Variants in PPP4R1 observed in about 807,000 individuals in gnomAD.
The protein encoded by PPP4R1 is protein phosphatase 4 regulatory subunit 1.
PPP4R1 carries 42 observed loss-of-function variants against 111.2 expected under a neutral mutation model. That is an observed-to-expected ratio of 0.38 (90% confidence interval 0.29 to 0.49). The LOEUF (loss-of-function observed/expected upper bound fraction) is 0.49, where lower values mean the gene tolerates loss of function less well. Among genes scored for constraint, PPP4R1 ranks in the 20% least tolerant of loss-of-function variants. The pLI, the probability that PPP4R1 is intolerant of heterozygous loss-of-function variation, is 0.97. For missense variants in PPP4R1, 1,012 were observed against 1,161.6 expected (o/e 0.87, Z 1.87); for synonymous variants, 409 against 405.5 (o/e 1.01, Z -0.10).
intron 18 of PPP4R1, 58 bp from the exon 19 acceptor site, chr18:9,549,396 T>C: frequency 6.5e-7 from 1 of 1,547,646 alleles, no homozygotes; most frequent in Non-Finnish European, 8.8e-7. Flanking sequence ...AAAACTCGAC[T>C]ACTGGCTAAC....
chr18:9,572,230 A>T (rs2145124115), intron 10 of PPP4R1, among the ~76,000 whole-genome samples: 1 of 152,328 alleles, frequency 6.6e-6, no homozygotes, highest in Admixed American at 6.5e-5. Context: ...CAACTCAGAA[A>T]GATGTGTGGG....
intron 9 of PPP4R1, among the ~76,000 whole-genome samples, chr18:9,580,097 T>C (rs762110224): frequency 3.9e-5 from 6 of 152,198 alleles, no homozygotes; most frequent in Non-Finnish European, 5.9e-5. Flanking sequence ...ATTAATATAA[T>C]ATCAAGGCTT....
At chr18:9,583,560 G>A (rs1298365) in intron 8 of PPP4R1, among the ~76,000 whole-genome samples, 1 of 151,688 alleles carries the variant, frequency 6.6e-6, no homozygotes, top group Non-Finnish European at 1.5e-5. Context: ...AGAAATGAGG[G>A]TTCACCATGT....
At chr18:9,584,689 T>C (rs746885879) in intron 7 of PPP4R1, 32 bp downstream of exon 7, 33 of 1,608,680 alleles carry the variant, frequency 2.1e-5, no homozygotes, top group Non-Finnish European at 2.7e-5. Flanking sequence ...ACTATGTTCT[T>C]AAACAGCAGA....
chr18:9,590,098 C>T (rs1394670898), intron 4 of PPP4R1: 2 of 152,088 alleles, frequency 1.3e-5, no homozygotes, highest in African/African-American at 4.8e-5. Flanking sequence ...TACAGACAGA[C>T]ATGATGGATT....
In PPP4R1 at chr18:9,547,729, C is replaced by T. The variant is rs547555358; in HGVS notation, c.*60G>A. The stretch of plus-strand genomic sequence containing the variant: ...AAGCTATCCCAGGTCACATGCGTGG[C>T]GAATGCCCACTGAACCTCGGCTCTC... On this transcript the variant is annotated 3_prime_UTR_variant, in exon 20 of 20. Coordinates refer to ENST00000400556, the MANE Select transcript of PPP4R1 (RefSeq NM_001042388.3). The T allele has an allele frequency of 1.1e-5, 17 of 1,585,604 alleles. No individual in the cohort carries two copies. The highest frequency in any genetic ancestry group is 8.4e-5 in the Admixed American group (5 of 59,724).
chr18:9,598,790 C>T (rs115903390), intron 2 of PPP4R1, among the ~76,000 whole-genome samples: 2,395 of 152,114 alleles, frequency 0.016, 49 homozygotes, highest in African/African-American at 0.055. Context: ...TTTGAGAGGC[C>T]GAGGCGGATG....
intron 4 of PPP4R1, among the ~76,000 whole-genome samples, chr18:9,590,603 G>A (rs1426113533): frequency 1.3e-5 from 2 of 152,070 alleles, no homozygotes; most frequent in Non-Finnish European, 2.9e-5. Context: ...CCCAGAAACA[G>A]ACGCATGCAT....
At chr18:9,591,188 A>T (rs1416296104) in intron 4 of PPP4R1, among the ~76,000 whole-genome samples, 1 of 151,852 alleles carries the variant, frequency 6.6e-6, no homozygotes, top group Non-Finnish European at 1.5e-5. Flanking sequence ...TCTCTACTAA[A>T]AATACAAAAA....
chr18:9,548,917 C>G (rs553037120), intron 19 of PPP4R1, among the ~76,000 whole-genome samples: 6 of 152,142 alleles, frequency 3.9e-5, no homozygotes, highest in Non-Finnish European at 7.3e-5. Context: ...GACTCCGTCT[C>G]AAAATATCAA....
rs939042907 is a variant in PPP4R1, at chr18:9,614,331, C to A, written c.8-61G>T. 14 of 1,105,238 alleles carry A rather than the reference C, an allele frequency of 1.3e-5. No individual in the cohort carries two copies. The East Asian group carries it at 1.6e-4, about 13-fold the overall frequency. 68.5% of individuals were successfully genotyped at this position (1,105,238 alleles called of 1,614,324 possible). A position where few individuals can be genotyped will look rare whatever the true frequency, so the allele number is the denominator to read the frequency against. ...GCCCCGGGGCCCGGCGCGACGCCCC[C>A]CCCCCGCCCGCCTCCCCCCCGCCCC... On this transcript the variant is annotated intron_variant, in intron 1 of 19. Coordinates refer to ENST00000400556, the MANE Select transcript of PPP4R1 (RefSeq NM_001042388.3). The surrounding 1 kb of genome is among the most constrained non-coding windows in gnomAD (Gnocchi z 4.1).
intron 6 of PPP4R1, 46 bp downstream of exon 6, chr18:9,588,043 T>C: frequency 3.7e-6 from 6 of 1,610,172 alleles, no homozygotes; most frequent in Non-Finnish European, 5.1e-6. Flanking sequence ...TAAGCACCTC[T>C]TATCAGCCAC....
chr18:9,614,515 C>A lies in PPP4R1; in HGVS notation c.-31G>T. ...GGTCGCCCCCTCCTCCGCGGCCGCC[C>A]GGGGAGCCGGGGCTACATGGAGCGG... is the stretch of plus-strand genomic sequence containing the variant. On this transcript the variant is annotated 5_prime_UTR_variant, in exon 1 of 20. Transcript: ENST00000400556. The surrounding 1 kb of genome is among the most constrained non-coding windows in gnomAD (Gnocchi z 4.1). 3 of 1,015,532 alleles carry A rather than the reference C, an allele frequency of 3.0e-6. No individual in the cohort carries two copies. The highest frequency in any genetic ancestry group is 2.4e-6 in the Non-Finnish European group (2 of 850,894). 62.9% of individuals were successfully genotyped at this position (1,015,532 alleles called of 1,614,324 possible).
chr18:9,559,713 A>T, intron 13 of PPP4R1, 109 bp from the exon 14 acceptor site: 6 of 799,620 alleles, frequency 7.5e-6, no homozygotes, highest in Non-Finnish European at 1.1e-5. Context: ...TTAACATAGC[A>T]TCTCAAATAG....
At chr18:9,549,523 A>C (rs1425214331) in intron 18 of PPP4R1, among the ~76,000 whole-genome samples, 185 bp from the exon 19 acceptor site, 1 of 152,220 alleles carries the variant, frequency 6.6e-6, no homozygotes, top group Non-Finnish European at 1.5e-5. Flanking sequence ...GGACAGACAC[A>C]GTTTTTAAAC....
Position 9,583,278 on chromosome 18 carries a change from A to G in PPP4R1, c.760-3T>C, listed in dbSNP as rs758837467. The G allele has an allele frequency of 1.9e-6, 3 of 1,551,102 alleles. No homozygotes were observed. The highest frequency in any genetic ancestry group is 1.8e-5 in the Admixed American group (1 of 55,028). On this transcript the variant is annotated splice_region_variant and splice_polypyrimidine_tract_variant and intron_variant, in intron 8 of 19. Coordinates refer to ENST00000400556, the MANE Select transcript of PPP4R1 (RefSeq NM_001042388.3). ...CAAAGCTGGAAAAATCTGGGCAGCTATGTGAAAAGGAAAGAGTCTTGTTAG... is the reference window on the plus strand; with the variant it reads ...CAAAGCTGGAAAAATCTGGGCAGCTGTGTGAAAAGGAAAGAGTCTTGTTAG...
intron 2 of PPP4R1, among the ~76,000 whole-genome samples, chr18:9,600,714 A>G (rs2067366837): frequency 6.6e-6 from 1 of 152,084 alleles, no homozygotes; most frequent in Non-Finnish European, 1.5e-5. Context: ...CCCCATCTCT[A>G]TAAAAGATAC....
chr18:9,556,615 A>G (rs2066590160), intron 15 of PPP4R1, among the ~76,000 whole-genome samples: 6 of 152,238 alleles, frequency 3.9e-5, no homozygotes, highest in Admixed American at 3.9e-4. Flanking sequence ...AACAATTTGT[A>G]AAAAATCAGG....
intron 13 of PPP4R1, among the ~76,000 whole-genome samples, chr18:9,560,486 A>C (rs980051621): frequency 6.9e-6 from 1 of 145,420 alleles, no homozygotes. Context: ...AAAATGGATG[A>C]GTGGAGAAGA....
Sources: gnomAD v4.1 joint callset for allele counts (sites outside exome capture counted in the v4.1 genomes callset) on GRCh38, gnomAD v4.1.1 for gene constraint, Gnocchi (gnomAD v3.1) non-coding constraint, MANE v1.5 for transcripts, NCBI Gene and HGNC (gene_info 2026-07-23, HGNC 2026-07-21) for gene names.